Variants in ABI3BP observed in about 807,000 individuals in gnomAD.
ABI3BP encodes target of Nesh-SH3.
Under a neutral mutation model 268.6 loss-of-function variants are expected in ABI3BP, and 216 were observed. That is an observed-to-expected ratio of 0.80 (90% CI 0.72 to 0.90). ABI3BP has a LOEUF of 0.90. Among genes scored for constraint, ABI3BP ranks in the 40% least tolerant of loss-of-function variants. The pLI is 0.00. For synonymous variants in ABI3BP, 730 were observed against 730.0 expected (o/e 1.00, Z 0.00); for missense variants, 2,090 against 2,182.4 (o/e 0.96, Z 0.84).
rs1425839404 is a variant in ABI3BP at position 100,753,853 on chromosome 3, G to A, written c.4931-5C>T. On this transcript the variant is annotated splice_polypyrimidine_tract_variant and splice_region_variant and intron_variant, in intron 64 of 67. Coordinates refer to ENST00000471714, the MANE Select transcript of ABI3BP (RefSeq NM_001375547.2). ...GCTCACTCACTCTTGGGTCCGCTGA[G>A]GAGAAATAAATAGAAAAGTCAGACC... is the stretch of plus-strand genomic sequence containing the variant. 6.2e-7 allele frequency: 1 copy of A among 1,608,498 alleles called. No homozygotes were observed. The highest frequency in any genetic ancestry group is 1.1e-5 in the South Asian group (1 of 89,486).
chr3:100,749,315 TAACA>T lies in ABI3BP; in HGVS notation c.*1176_*1179del, dbSNP rs201734724. On this transcript the variant is annotated 3_prime_UTR_variant, in exon 68 of 68. Transcript: ENST00000471714. ...AACATACTGATGAACCATTCAGAAA[TAACA>T]AACAAAAACTCAATCTTAAAAAAAA... 2.9e-4 allele frequency: 20 copies of T among 69,808 alleles called. No homozygotes were observed. In the South Asian group the frequency reaches 6.1e-3, roughly 21 times the overall value. 4.3% of individuals were successfully genotyped at this position (69,808 alleles called of 1,614,324 possible). A position where few individuals can be genotyped will look rare whatever the true frequency, so the allele number is the denominator to read the frequency against.
At chr3:100,959,749 C>T (rs1274864052) in intron 1 of ABI3BP, among the ~76,000 whole-genome samples, 1 of 151,952 alleles carries the variant, frequency 6.6e-6, no homozygotes, top group Non-Finnish European at 1.5e-5. Context: ...TAAGATAATG[C>T]TAGAGAAATT....
Position 100,820,244 on chromosome 3 carries a change from G to T in ABI3BP, c.3007C>A (p.Pro1003Thr). The T allele has an allele frequency of 6.5e-7, 1 of 1,536,248 alleles. No individual in the cohort carries two copies. The highest frequency in any genetic ancestry group is 1.2e-5 in the South Asian group (1 of 84,046). Residue 1003 changes from proline to threonine, a missense_variant, in exon 40 of 68, where the codon CCT (proline) becomes ACT (threonine). Coordinates refer to ENST00000471714, the MANE Select transcript of ABI3BP (RefSeq NM_001375547.2). ...PRPKTKTTPS[P>T]EVPQTKLVPS... ...CCCAGTTTGGTTTGAGGAACCTCAG[G>T]ACTTGGTGTGGTTTTAGTTTTGGGA...
chr3:100,864,905 T>A lies in ABI3BP; in HGVS notation c.991A>T (p.Thr331Ser), dbSNP rs753713889. Reference sequence around the variant, plus strand: ...GTGCTTCTTGGAACTGTTTCAGGAGTCACTGAAAGGTAAAAAGCACAACTT... The same window carrying A: ...GTGCTTCTTGGAACTGTTTCAGGAGACACTGAAAGGTAAAAAGCACAACTT... ...EKISARPTTV[T>S]PETVPRSTKP... Residue 331 changes from threonine (T) to serine (S), a missense_variant and splice_region_variant, in exon 11 of 68, where the codon ACT becomes TCT. Thr to Ser is a moderately conservative substitution (Grantham distance 58, BLOSUM62 1). Coordinates refer to ENST00000471714, the MANE Select transcript of ABI3BP (RefSeq NM_001375547.2). 1 of 1,601,288 alleles carries A rather than the reference T, an allele frequency of 6.2e-7. No individual in the cohort carries two copies. Among genetic ancestry groups the A allele is most frequent in the South Asian group, 1.1e-5 (1 of 88,480 alleles).
chr3:100,913,809 T>C (rs1386880606), intron 2 of ABI3BP, among the ~76,000 whole-genome samples: 1 of 152,160 alleles, frequency 6.6e-6, no homozygotes, highest in Admixed American at 6.6e-5. Flanking sequence ...CCTTTTAGAG[T>C]ATTCCTAAGC....
chr3:100,816,004 G>T, intron 43 of ABI3BP, 33 bp from the exon 44 acceptor site: 1 of 1,420,546 alleles, frequency 7.0e-7, no homozygotes, highest in Non-Finnish European at 9.3e-7. Context: ...ATACAAGAAA[G>T]CTTAAAGACT....
chr3:100,983,169 G>A (rs887281761), intron 1 of ABI3BP, among the ~76,000 whole-genome samples: 6 of 152,192 alleles, frequency 3.9e-5, no homozygotes. Context: ...CACCTTGTAA[G>A]CAAAGCGCCC....
At chr3:100,932,186 C>G (rs1184349795) in intron 1 of ABI3BP, among the ~76,000 whole-genome samples, 1 of 151,928 alleles carries the variant, frequency 6.6e-6, no homozygotes, top group Admixed American at 6.6e-5. Flanking sequence ...CTTCCTTTCA[C>G]CATATATAAA....
intron 6 of ABI3BP, 63 bp downstream of exon 6, chr3:100,885,473 T>C: frequency 1.1e-6 from 1 of 939,314 alleles, no homozygotes. Context: ...ATAATAAGAC[T>C]ATTTCCTTAA....
At chr3:100,898,741 A>G (rs781543108) in intron 4 of ABI3BP, 21 bp downstream of exon 4, 1 of 1,610,096 alleles carries the variant, frequency 6.2e-7, no homozygotes, top group Non-Finnish European at 8.5e-7. Context: ...AGATGCTATT[A>G]AAAGCAAATG....
At chr3:100,763,125 A>G (rs1159149515) in intron 63 of ABI3BP, among the ~76,000 whole-genome samples, 1 of 152,144 alleles carries the variant, frequency 6.6e-6, no homozygotes, top group East Asian at 1.9e-4. Context: ...CCTGATTTAG[A>G]AGGCCCTAAA....
chr3:100,753,037 A>G (rs747243478), intron 65 of ABI3BP, 89 bp from the exon 66 acceptor site: 1 of 1,288,730 alleles, frequency 7.8e-7, no homozygotes, highest in Non-Finnish European at 1.1e-6. Context: ...CAACTTGCTG[A>G]TACCTTTTTT....
chr3:100,770,645 T>A, intron 62 of ABI3BP, 98 bp downstream of exon 62: 1 of 1,181,882 alleles, frequency 8.5e-7, no homozygotes, highest in Non-Finnish European at 1.1e-6. Context: ...CCTCCCCAGG[T>A]ATGCTTCACA....
At position 100,837,153 on chromosome 3, in the gene ABI3BP, A is replaced by G; in HGVS notation, c.2102T>C (p.Phe701Ser). The G allele has an allele frequency of 6.5e-7, 1 of 1,535,034 alleles. No homozygotes were observed. The highest frequency in any genetic ancestry group is 8.7e-7 in the Non-Finnish European group (1 of 1,146,308). Residue 701 changes from phenylalanine (F) to serine (S), a missense_variant, in exon 27 of 68, where the codon TTT (phenylalanine) becomes TCT (serine). By Grantham distance (155) the Phe-to-Ser change is radical. Coordinates refer to ENST00000471714, the MANE Select transcript of ABI3BP (RefSeq NM_001375547.2). ...GGTCATTGAGGGAGCTTCAGTTTCA[A>G]ATGGAACAGGCTCAGAGACTGCATC... ...PTKSVSEPVP[F>S]ETEAPSMTIV...
intron 51 of ABI3BP, among the ~76,000 whole-genome samples, chr3:100,798,683 T>C (rs2097429109): frequency 6.6e-6 from 1 of 152,190 alleles, no homozygotes; most frequent in South Asian, 2.1e-4. Context: ...ATGCACAATG[T>C]CTGTCATAGA....
intron 1 of ABI3BP, among the ~76,000 whole-genome samples, chr3:100,975,329 T>G (rs771031041): frequency 6.6e-6 from 1 of 152,146 alleles, no homozygotes; most frequent in Non-Finnish European, 1.5e-5. Flanking sequence ...GCAATATACC[T>G]GCGCTTCTAG....
intron 9 of ABI3BP, among the ~76,000 whole-genome samples, chr3:100,870,645 CA>C (rs1181464877): frequency 6.6e-6 from 1 of 152,072 alleles, no homozygotes; most frequent in South Asian, 2.1e-4. Context: ...GGAGTTTCCT[CA>C]AAAAATTAAA....
At chr3:100,834,499 T>C (rs1331557988) in intron 29 of ABI3BP, among the ~76,000 whole-genome samples, 185 bp downstream of exon 29, 1 of 151,674 alleles carries the variant, frequency 6.6e-6, no homozygotes, top group Admixed American at 6.6e-5. Context: ...ACCAAGGAGG[T>C]CCTCACGCAA....
chr3:100,835,198 G>C (rs1425667222), intron 28 of ABI3BP, among the ~76,000 whole-genome samples: 2 of 152,050 alleles, frequency 1.3e-5, no homozygotes. Context: ...TAAAATAGTT[G>C]GTAGACAATA....
Sources: allele counts gnomAD v4.1 joint callset (sites outside exome capture counted in the v4.1 genomes callset), GRCh38; gene constraint gnomAD v4.1.1; transcripts MANE v1.5; gene names NCBI Gene and HGNC (gene_info 2026-07-23, HGNC 2026-07-21).